The following NTNG2 variants were observed in gnomAD, a reference collection of about 807,000 sequenced individuals.
NTNG2 encodes netrin G2.
Under a neutral mutation model 47.6 loss-of-function variants are expected in NTNG2, and 15 were observed. The observed-to-expected ratio is 0.32, with a 90% confidence interval of 0.21 to 0.49. The LOEUF is 0.49. Among genes scored for constraint, NTNG2 ranks in the 20% least tolerant of loss-of-function variants. The pLI is 0.99. For synonymous variants in NTNG2, 307 were observed against 324.6 expected, an observed-to-expected ratio of 0.95 and a Z score of 0.58; for missense variants, 578 against 764.6, an observed-to-expected ratio of 0.76 and a Z score of 2.88.
At chr9:132,237,960 C>T (rs1266451269) in intron 5 of NTNG2, among the ~76,000 whole-genome samples, 2 of 152,164 alleles carry the variant, frequency 1.3e-5, no homozygotes, top group East Asian at 1.9e-4. Flanking sequence ...TGGGAGTGCC[C>T]ACCATCTCTC....
In NTNG2 at chr9:132,239,262, G is replaced by A. The variant is rs1307949338; in HGVS notation, c.1213G>A (p.Val405Ile). 9 of 1,613,438 alleles carry A rather than the reference G, an allele frequency of 5.6e-6. No individual in the cohort carries two copies. The East Asian group carries it at 6.7e-5, about 12-fold the overall frequency. The change falls in exon 6 of 8, where the codon GTC becomes ATC. Residue 405 changes from valine (V) to isoleucine (I), a missense_variant. Transcript: ENST00000393229. ...NGSAELDDEN[V>I]CIECNCNQIG... ...CTCGGCAGAGCTGGATGATGAGAACGTCTGCATTGGTGAGAGGGCACGGAC... is the reference window on the plus strand; with the variant it reads ...CTCGGCAGAGCTGGATGATGAGAACATCTGCATTGGTGAGAGGGCACGGAC...
At chr9:132,222,100 T>C (rs1439458744) in intron 3 of NTNG2, among the ~76,000 whole-genome samples, 1 of 152,218 alleles carries the variant, frequency 6.6e-6, no homozygotes, top group African/African-American at 2.4e-5. Flanking sequence ...AAACTCTTGT[T>C]AGACAAAGTC....
chr9:132,183,482 C>T (rs141462972), intron 2 of NTNG2, among the ~76,000 whole-genome samples: 2 of 152,202 alleles, frequency 1.3e-5, no homozygotes, highest in African/African-American at 2.4e-5. Flanking sequence ...AGTCGAGTGT[C>T]CCTCCACCTG....
At position 132,162,683 on chromosome 9, in the gene NTNG2, C is replaced by T. The variant is rs1280453385; in HGVS notation, c.-484+444C>T. Among the ~76,000 whole-genome samples, 2 of 151,520 alleles carry T rather than the reference C, an allele frequency of 1.3e-5. No homozygotes were observed. On this transcript the variant is annotated intron_variant, in intron 1 of 7. Transcript: ENST00000393229. The surrounding 1 kb of genome is among the most constrained non-coding windows in gnomAD (Gnocchi z 4.6). Reference sequence around the variant, plus strand: ...AAAGGAAACTAACCCTGCTCCCGCGCCTCTCCCCCACCCCAATTCCACCGC... The same window carrying T: ...AAAGGAAACTAACCCTGCTCCCGCGTCTCTCCCCCACCCCAATTCCACCGC...
At position 132,241,970 on chromosome 9, in the gene NTNG2, G is replaced by GCGCTGCGAGCAGCCC; in HGVS notation, c.1461_1475dup (p.Glu487_Cys491dup). The GCGCTGCGAGCAGCCC allele has an allele frequency of 6.5e-7, 1 of 1,534,364 alleles. No homozygotes were observed. Among genetic ancestry groups the GCGCTGCGAGCAGCCC allele is most frequent in the Non-Finnish European group, 8.7e-7 (1 of 1,149,766 alleles). ...CCTGCCCGCGCGGCTACACCGGCGT[G>GCGCTGCGAGCAGCCC]CGCTGCGAGCAGCCCCGCTGCGACC... On this transcript the variant is annotated inframe_insertion, in exon 8 of 8. Transcript: ENST00000393229.
chr9:132,172,033 C>T (rs1020836185), intron 2 of NTNG2, among the ~76,000 whole-genome samples: 3 of 152,206 alleles, frequency 2.0e-5, no homozygotes, highest in African/African-American at 4.8e-5. Flanking sequence ...ACCCAGCTAA[C>T]CACAAATGGT....
intron 3 of NTNG2, among the ~76,000 whole-genome samples, chr9:132,217,677 A>G (rs1193743709): frequency 1.3e-5 from 2 of 152,196 alleles, no homozygotes; most frequent in African/African-American, 4.8e-5. Context: ...TGTTTGTCTC[A>G]TGCAAGAGCT....
At chr9:132,177,341 C>G (rs1218177849) in intron 2 of NTNG2, among the ~76,000 whole-genome samples, 1 of 152,138 alleles carries the variant, frequency 6.6e-6, no homozygotes, top group East Asian at 1.9e-4. Flanking sequence ...GTTGCTTGTG[C>G]TTTTGGTGTC....
At chr9:132,240,592 G>A in intron 6 of NTNG2, 1 of 469,730 alleles carries the variant, frequency 2.1e-6, no homozygotes, top group South Asian at 2.1e-5. Context: ...ATAGCTCTTT[G>A]GAGATGGGAA....
At chr9:132,184,926 G>A (rs534875021) in intron 2 of NTNG2, among the ~76,000 whole-genome samples, 5 of 152,206 alleles carry the variant, frequency 3.3e-5, no homozygotes, top group Non-Finnish European at 7.3e-5. Flanking sequence ...CTGTCTCAAA[G>A]AAAACAAGGC....
intron 2 of NTNG2, among the ~76,000 whole-genome samples, chr9:132,186,911 C>G (rs2131392408): frequency 6.6e-6 from 1 of 152,376 alleles, no homozygotes; most frequent in South Asian, 2.1e-4. Context: ...GGCCCCTGCT[C>G]TCCCAGAGTT....
chr9:132,240,883 C>A (rs1486877288), intron 6 of NTNG2, 27 bp from the exon 7 acceptor site: 1 of 1,612,538 alleles, frequency 6.2e-7, no homozygotes, highest in Non-Finnish European at 8.5e-7. Context: ...TAGCCCTGAC[C>A]GCGCGCCCGT....
chr9:132,167,921 G>A (rs1045628533), intron 2 of NTNG2, among the ~76,000 whole-genome samples: 1 of 152,214 alleles, frequency 6.6e-6, no homozygotes, highest in Non-Finnish European at 1.5e-5. Context: ...CTGGCCCAGT[G>A]ACGTCTGTGG....
intron 5 of NTNG2, 81 bp from the exon 6 acceptor site, chr9:132,239,023 G>A: frequency 7.0e-7 from 1 of 1,421,476 alleles, no homozygotes; most frequent in Non-Finnish European, 9.9e-7. Flanking sequence ...CATGACCTGG[G>A]GTGAGTCCTT....
At position 132,221,048 on chromosome 9, in the gene NTNG2, C is replaced by G. The variant is rs879615608; in HGVS notation, c.858-5801C>G. 7.9e-5 allele frequency among the ~76,000 whole-genome samples: 12 copies of G among 152,132 alleles called. No homozygotes were observed. The highest frequency in any genetic ancestry group is 1.6e-4 in the Non-Finnish European group (11 of 68,022). On this transcript the variant is annotated intron_variant, in intron 3 of 7. Coordinates refer to ENST00000393229, the MANE Select transcript of NTNG2 (RefSeq NM_032536.4). The surrounding 1 kb of genome is among the most constrained non-coding windows in gnomAD (Gnocchi z 4.2). Reference sequence around the variant, plus strand: ...TTACAGTCCATGCGCCCATCTCCCCCAGTCATCTCGTACATCCCACTTTGG... The same window carrying G: ...TTACAGTCCATGCGCCCATCTCCCCGAGTCATCTCGTACATCCCACTTTGG...
intron 2 of NTNG2, among the ~76,000 whole-genome samples, chr9:132,184,662 G>A (rs907180835): frequency 5.9e-5 from 9 of 152,220 alleles, no homozygotes; most frequent in South Asian, 2.1e-4. Flanking sequence ...GGTGGCTCAC[G>A]CCTGTAATCC....
In NTNG2 at chr9:132,230,568, A is replaced by G. The variant is rs1296397811; in HGVS notation, c.1031-4A>G. The G allele has an allele frequency of 1.2e-6, 2 of 1,603,906 alleles. No homozygotes were observed. The highest frequency in any genetic ancestry group is 2.2e-5 in the South Asian group (2 of 88,950). On this transcript the variant is annotated splice_polypyrimidine_tract_variant and splice_region_variant and intron_variant, in intron 4 of 7. Coordinates refer to ENST00000393229, the MANE Select transcript of NTNG2 (RefSeq NM_032536.4). ...GCCAGCTCACGCCCGTCTCTCTCCC[A>G]CAGGTGCCACTGCAGGTTCCTTTGG...
At chr9:132,192,342 G>C (rs1837960024) in intron 2 of NTNG2, among the ~76,000 whole-genome samples, 1 of 152,220 alleles carries the variant, frequency 6.6e-6, no homozygotes, top group Admixed American at 6.5e-5. Context: ...TGTAATCCCA[G>C]CACTTTGGGA....
At chr9:132,179,677 T>A (rs973737809) in intron 2 of NTNG2, among the ~76,000 whole-genome samples, 1 of 152,208 alleles carries the variant, frequency 6.6e-6, no homozygotes, top group East Asian at 1.9e-4. Flanking sequence ...AAGCACCCCA[T>A]GTGTGCAGCT....
Sources: allele counts gnomAD v4.1 joint callset (sites outside exome capture counted in the v4.1 genomes callset), GRCh38; gene constraint gnomAD v4.1.1; non-coding constraint Gnocchi (gnomAD v3.1); transcripts MANE v1.5; gene names NCBI Gene and HGNC (gene_info 2026-07-23, HGNC 2026-07-21).